DSC1: variants seen among roughly 807,000 people sequenced by gnomAD.
The protein encoded by DSC1 is desmocollin-1.
A neutral mutation model predicts 98.8 loss-of-function variants in DSC1; 79 were observed. The observed-to-expected ratio is 0.80, with a 90% CI of 0.67 to 0.96. The LOEUF is 0.96. Ranked by LOEUF, DSC1 falls within the 50% of genes least tolerant of loss-of-function variation. The pLI, the probability that DSC1 is intolerant of heterozygous loss-of-function variation, is 0.00. For missense variants in DSC1, 1,115 were observed against 1,075.9 expected, an observed-to-expected ratio of 1.04 and a Z score of -0.51; for synonymous variants, 405 against 372.1, an observed-to-expected ratio of 1.09 and a Z score of -1.02.
Position 31,130,659 on chromosome 18 carries a change from A to T in DSC1, c.2540T>A (p.Val847Asp). 4.3e-6 allele frequency: 7 copies of T among 1,614,148 alleles called. No individual in the cohort carries two copies. Among genetic ancestry groups the T allele is most frequent in the Non-Finnish European group, 5.9e-6 (7 of 1,180,022 alleles). The change falls in exon 16 of 16, where the codon GTT becomes GAT. Residue 847 changes from valine (V) to aspartate (D), a missense_variant. Transcript: ENST00000257198. ...DEEHKHCEDY[V>D]CSYNYEGKGS... The stretch of plus-strand genomic sequence containing the variant: ...TTTGCCTTCATAGTTATACGAACAA[A>T]CGTAGTCTTCACAATGTTTATGCTC...
intron 5 of DSC1, among the ~76,000 whole-genome samples, chr18:31,149,676 C>A (rs1178987700): frequency 6.6e-6 from 1 of 152,170 alleles, no homozygotes; most frequent in East Asian, 1.9e-4. Context: ...ACTCACTAAT[C>A]AGACTCGTCA....
chr18:31,159,620 A>G (rs1160755737), intron 1 of DSC1, 91 bp from the exon 2 acceptor site: 15 of 1,218,760 alleles, frequency 1.2e-5, no homozygotes, highest in African/African-American at 6.2e-5. Flanking sequence ...AAATATTGTC[A>G]ATTTTGGAAA....
intron 1 of DSC1, among the ~76,000 whole-genome samples, chr18:31,161,379 T>C (rs1039014328): frequency 1.3e-5 from 2 of 151,620 alleles, no homozygotes; most frequent in African/African-American, 4.9e-5. Flanking sequence ...TACATATATA[T>C]ATATAAATAT....
At chr18:31,137,051 A>G (rs974720921) in intron 11 of DSC1, among the ~76,000 whole-genome samples, 5 of 152,222 alleles carry the variant, frequency 3.3e-5, no homozygotes, top group African/African-American at 7.2e-5. Context: ...AAAAATCTTC[A>G]TAATACTTCA....
Position 31,134,616 on chromosome 18 carries a change from A to G in DSC1, c.1832T>C (p.Leu611Pro). The G allele has an allele frequency of 1.2e-6, 2 of 1,612,476 alleles. No homozygotes were observed. Among genetic ancestry groups the G allele is most frequent in the Non-Finnish European group, 1.7e-6 (2 of 1,179,146 alleles). Residue 611 changes from leucine (L) to proline (P), a missense_variant, in exon 12 of 16, where the codon CTG (leucine) becomes CCG (proline). Transcript: ENST00000257198. ...CCAGTTTTTACTGGCAGAATTATCC[A>G]GAAAGAATTGAAAAGGTGGTCCATT... Reference protein sequence around the residue: ...PENGPPFQFFLDNSASKNWNI... With the variant: ...PENGPPFQFFPDNSASKNWNI...
At chr18:31,160,671 T>G (rs143639267) in intron 1 of DSC1, among the ~76,000 whole-genome samples, 11 of 152,346 alleles carry the variant, frequency 7.2e-5, no homozygotes, top group Middle Eastern at 3.4e-3. Context: ...TTATTTAACT[T>G]TTTAAATATG....
At chr18:31,160,239 C>T (rs1254557855) in intron 1 of DSC1, among the ~76,000 whole-genome samples, 1 of 152,130 alleles carries the variant, frequency 6.6e-6, no homozygotes, top group East Asian at 1.9e-4. Context: ...AAAAGAAAAG[C>T]TATCATTTCA....
At chr18:31,136,288 A>T (rs1013630075) in intron 11 of DSC1, among the ~76,000 whole-genome samples, 2 of 152,162 alleles carry the variant, frequency 1.3e-5, no homozygotes, top group Admixed American at 1.3e-4. Context: ...AGTTGCATAC[A>T]CTACACATGA....
intron 12 of DSC1, 149 bp downstream of exon 12, chr18:31,134,423 A>G (rs1598613582): frequency 2.2e-5 from 18 of 811,666 alleles, no homozygotes; most frequent in Non-Finnish European, 3.2e-5. Flanking sequence ...AATGGCACTA[A>G]TTTTTTTTAA....
chr18:31,145,304 A>G (rs1343727873), intron 7 of DSC1, among the ~76,000 whole-genome samples: 1 of 152,208 alleles, frequency 6.6e-6, no homozygotes, highest in Admixed American at 6.5e-5. Flanking sequence ...AACTTTATGA[A>G]TTTAAAAAGT....
At chr18:31,143,138 A>T (rs1314234172) in intron 8 of DSC1, among the ~76,000 whole-genome samples, 1 of 151,804 alleles carries the variant, frequency 6.6e-6, no homozygotes, top group Admixed American at 6.6e-5. Flanking sequence ...CACACACATC[A>T]CACATATATA....
chr18:31,159,376 C>A, intron 2 of DSC1, 69 bp downstream of exon 2: 1 of 1,539,460 alleles, frequency 6.5e-7, no homozygotes, highest in Non-Finnish European at 8.9e-7. Context: ...TTATCCCAAA[C>A]TTTACAAGAG....
intron 7 of DSC1, among the ~76,000 whole-genome samples, chr18:31,144,930 C>CTTTT (rs1170980389): frequency 3.2e-5 from 4 of 124,740 alleles, no homozygotes; most frequent in Admixed American, 8.9e-5. Context: ...TCTGTATTTT[C>CTTTT]TTTTTCTTTC....
chr18:31,137,436 G>A (rs1988634998), intron 11 of DSC1, among the ~76,000 whole-genome samples: 1 of 152,120 alleles, frequency 6.6e-6, no homozygotes, highest in African/African-American at 2.4e-5. Context: ...TTTTTGCAGT[G>A]AAATGTATAA....
chr18:31,149,878 C>T (rs1416302281), intron 5 of DSC1, among the ~76,000 whole-genome samples: 1 of 152,136 alleles, frequency 6.6e-6, no homozygotes, highest in Non-Finnish European at 1.5e-5. Flanking sequence ...AAGTAACTTC[C>T]AGGTGGTATT....
chr18:31,145,690 A>G lies in DSC1; in HGVS notation c.860T>C (p.Ile287Thr). ...GGAGAAATGCTTTGGATGATCTGGG[A>G]TTTGTTGTAAGATTTTATATTTCAG... ...TRLKYKILQQIPDHPKHFSIH... is the reference protein window; with the variant it reads ...TRLKYKILQQTPDHPKHFSIH... Residue 287 changes from isoleucine to threonine, a missense_variant, in exon 7 of 16, where the codon ATC (isoleucine) becomes ACC (threonine). Physicochemically the swap from Ile to Thr is moderately conservative, Grantham distance 89 (BLOSUM62 -1). Transcript: ENST00000257198. The G allele has an allele frequency of 6.2e-7, 1 of 1,614,174 alleles. No individual in the cohort carries two copies. Among genetic ancestry groups the G allele is most frequent in the Non-Finnish European group, 8.5e-7 (1 of 1,180,042 alleles).
At chr18:31,158,531 T>TCA (rs3837875) in intron 2 of DSC1, among the ~76,000 whole-genome samples, 84,883 of 151,766 alleles carry the variant, frequency 0.56, 23,994 homozygotes, top group East Asian at 0.66. Context: ...ATTTCTGTAT[T>TCA]GTTTGTAATT....
intron 7 of DSC1, among the ~76,000 whole-genome samples, chr18:31,144,802 T>C (rs1457520819): frequency 6.6e-6 from 1 of 152,202 alleles, no homozygotes; most frequent in Non-Finnish European, 1.5e-5. Flanking sequence ...TAATGATGTG[T>C]AATAATGATG....
intron 1 of DSC1, among the ~76,000 whole-genome samples, chr18:31,161,160 G>A (rs930470074): frequency 6.6e-6 from 1 of 151,972 alleles, no homozygotes; most frequent in African/African-American, 2.4e-5. Flanking sequence ...GAATACTGTA[G>A]GCAATTGTAA....
Sources: allele counts gnomAD v4.1 joint callset (sites outside exome capture counted in the v4.1 genomes callset), GRCh38; gene constraint gnomAD v4.1.1; transcripts MANE v1.5; gene names NCBI Gene and HGNC (gene_info 2026-07-23, HGNC 2026-07-21).